The following RBFOX3 variants were observed in gnomAD, a reference collection of about 807,000 sequenced individuals.
The protein encoded by RBFOX3 is RNA binding protein fox-1 homolog 3.
RBFOX3 carries 17 observed loss-of-function variants against 48.7 expected under a neutral mutation model. The observed-to-expected ratio is 0.35, with a 90% CI of 0.24 to 0.52. The LOEUF is 0.52. RBFOX3 is among the 20% of genes least tolerant of loss of function. The probability of loss-of-function intolerance (pLI) is 0.94; values close to 1 mark genes in which losing one functional copy is unlikely to be tolerated. For synonymous variants in RBFOX3, 212 were observed against 209.5 expected, an observed-to-expected ratio of 1.01 and a Z score of -0.10; for missense variants, 382 against 497.5, an observed-to-expected ratio of 0.77 and a Z score of 2.21.
At chr17:79,514,546 G>A (rs1450995969) in intron 1 of RBFOX3, among the ~76,000 whole-genome samples, 2 of 152,204 alleles carry the variant, frequency 1.3e-5, no homozygotes, top group Admixed American at 6.5e-5. Context: ...CCTGGATCTC[G>A]GCAACCACAC....
chr17:79,513,289 T>C (rs1314262512), intron 1 of RBFOX3, among the ~76,000 whole-genome samples: 1 of 147,246 alleles, frequency 6.8e-6, no homozygotes, highest in East Asian at 2.1e-4. Flanking sequence ...ATGTCACCAT[T>C]GGGCACGGTC....
chr17:79,331,769 T>C (rs1297217565), intron 2 of RBFOX3, among the ~76,000 whole-genome samples: 1 of 152,176 alleles, frequency 6.6e-6, no homozygotes. Flanking sequence ...ATCTTCCCAC[T>C]GGAAGTGAGG....
At chr17:79,422,869 A>G (rs1363450375) in intron 2 of RBFOX3, among the ~76,000 whole-genome samples, 1 of 152,162 alleles carries the variant, frequency 6.6e-6, no homozygotes, top group Non-Finnish European at 1.5e-5. Flanking sequence ...ATGCCCTTAC[A>G]GGAAGAGACA....
At chr17:79,280,414 G>A (rs919158768) in intron 3 of RBFOX3, among the ~76,000 whole-genome samples, 1 of 152,166 alleles carries the variant, frequency 6.6e-6, no homozygotes, top group Non-Finnish European at 1.5e-5. Flanking sequence ...AGAGGGTCTG[G>A]GCACAGGACA....
chr17:79,600,044 A>T (rs1360252999), intron 1 of RBFOX3: 1 of 152,232 alleles, frequency 6.6e-6, no homozygotes, highest in Non-Finnish European at 1.5e-5. Context: ...TAACACACAG[A>T]ACAAATGAAG....
intron 1 of RBFOX3, among the ~76,000 whole-genome samples, chr17:79,548,214 G>A (rs1010244860): frequency 2.0e-5 from 3 of 152,132 alleles, no homozygotes; most frequent in East Asian, 1.9e-4. Flanking sequence ...CTCCTGCTCC[G>A]CTCCCGGAGT....
In RBFOX3 at chr17:79,134,152, G is replaced by A. The variant is rs1225013393; in HGVS notation, c.-33-18404C>T. On this transcript the variant is annotated intron_variant, in intron 4 of 14. Coordinates refer to ENST00000693108, the MANE Select transcript of RBFOX3 (RefSeq NM_001350451.2). ...TGGGACGTTCCCCTGTCCCTCCCACGGTGCCCTGGGGCTTCCAGCAGCCAC... is the reference window on the plus strand; with the variant it reads ...TGGGACGTTCCCCTGTCCCTCCCACAGTGCCCTGGGGCTTCCAGCAGCCAC... Among the ~76,000 whole-genome samples, 7 of 152,202 alleles carry A rather than the reference G, an allele frequency of 4.6e-5. No homozygotes were observed. The South Asian group carries it at 6.2e-4, about 13-fold the overall frequency.
rs190741182 is a variant in RBFOX3 at position 79,214,046 on chromosome 17, G to A, written c.-34+21720C>T. 6.6e-6 allele frequency among the ~76,000 whole-genome samples: 1 copy of A among 152,288 alleles called. No homozygotes were observed. The highest frequency in any genetic ancestry group is 1.9e-4 in the East Asian group (1 of 5,172). ...GGTGCCAGCGGATGTTGGGAGGCCC[G>A]GTGAACTACAGCCAACCCTCGCATG... On this transcript the variant is annotated intron_variant, in intron 4 of 14. Transcript: ENST00000693108. This position sits in a 1 kb window ranked among gnomAD's most constrained non-coding sequence, Gnocchi z 4.7.
In RBFOX3 at chr17:79,399,392, C is replaced by T. The variant is rs1405245891; in HGVS notation, c.-175+83062G>A. Reference sequence around the variant, plus strand: ...CAGTTTTGCTTCCGTGCACGGCTCGCGCTTCTGATTAGAGTGACAGCATTG... The same window carrying T: ...CAGTTTTGCTTCCGTGCACGGCTCGTGCTTCTGATTAGAGTGACAGCATTG... On this transcript the variant is annotated intron_variant, in intron 2 of 14. Transcript: ENST00000693108. 5.9e-5 allele frequency among the ~76,000 whole-genome samples: 9 copies of T among 152,160 alleles called. 1 individual carries two copies. The highest frequency in any genetic ancestry group is 2.6e-4 in the Admixed American group (4 of 15,280).
intron 2 of RBFOX3, among the ~76,000 whole-genome samples, chr17:79,340,721 T>C (rs905355173): frequency 2.7e-5 from 4 of 149,512 alleles, no homozygotes; most frequent in East Asian, 2.0e-4. Flanking sequence ...ATCCGATGAA[T>C]GAAAAAAAAA....
intron 2 of RBFOX3, among the ~76,000 whole-genome samples, chr17:79,433,292 G>A (rs2068803222): frequency 6.6e-6 from 1 of 152,184 alleles, no homozygotes; most frequent in African/African-American, 2.4e-5. Context: ...CCCTACTCTA[G>A]CTACCCAGGT....
rs542648246 is a variant in RBFOX3 at position 79,158,179 on chromosome 17, G to A, written c.-33-42431C>T. Among the ~76,000 whole-genome samples the A allele has an allele frequency of 2.1e-4, 32 of 152,324 alleles. No homozygotes were observed. The South Asian group carries it at 2.5e-3, about 12-fold the overall frequency. ...GGCAACGACAGCCATCCACAGCCAAGGAAGAGAGGCCTCCAACAGAACCAA... is the reference window on the plus strand; with the variant it reads ...GGCAACGACAGCCATCCACAGCCAAAGAAGAGAGGCCTCCAACAGAACCAA... On this transcript the variant is annotated intron_variant, in intron 4 of 14. Coordinates refer to ENST00000693108, the MANE Select transcript of RBFOX3 (RefSeq NM_001350451.2).
chr17:79,406,483 A>G (rs573451301), intron 2 of RBFOX3, among the ~76,000 whole-genome samples: 66 of 152,302 alleles, frequency 4.3e-4, no homozygotes, highest in African/African-American at 1.4e-3. Flanking sequence ...GGCGAGGATG[A>G]GGCCTCTCCA....
At position 79,561,427 on chromosome 17, in the gene RBFOX3, G is replaced by A. The variant is rs999933559; in HGVS notation, c.-320+49399C>T. Among the ~76,000 whole-genome samples, 37 of 152,224 alleles carry A rather than the reference G, an allele frequency of 2.4e-4. No homozygotes were observed. The South Asian group carries it at 4.4e-3, about 18-fold the overall frequency. ...CCAGTCACCCCCAAGGATTAAGGGT[G>A]AGCAGAGACCACCACTGCAGATTCA... On this transcript the variant is annotated intron_variant, in intron 1 of 14. Coordinates refer to ENST00000693108, the MANE Select transcript of RBFOX3 (RefSeq NM_001350451.2).
chr17:79,645,531 T>A, the RBFOX3 span, among the ~76,000 whole-genome samples: 1 of 152,144 alleles, frequency 6.6e-6, no homozygotes, highest in Non-Finnish European at 1.5e-5. Flanking sequence ...TAAGACCTCA[T>A]ACCTTCCAGC....
the RBFOX3 span, among the ~76,000 whole-genome samples, chr17:79,649,503 C>A: frequency 6.6e-6 from 1 of 152,162 alleles, no homozygotes; most frequent in Non-Finnish European, 1.5e-5. Context: ...GTCAGGAGTT[C>A]AAGACCAGCC....
chr17:79,153,041 T>A (rs997545769), intron 4 of RBFOX3, among the ~76,000 whole-genome samples: 5 of 152,172 alleles, frequency 3.3e-5, no homozygotes, highest in Admixed American at 2.0e-4. Flanking sequence ...GGGCAGGACA[T>A]CTGCCCGCTG....
At chr17:79,335,682 G>T (rs1337581722) in intron 2 of RBFOX3, among the ~76,000 whole-genome samples, 2 of 152,136 alleles carry the variant, frequency 1.3e-5, no homozygotes, top group African/African-American at 4.8e-5. Context: ...CTACAACCAC[G>T]CTGGGTCTGG....
rs763172148 is a variant in RBFOX3, at chr17:79,479,978, C to T, written c.-175+2476G>A. 3.3e-5 allele frequency among the ~76,000 whole-genome samples: 5 copies of T among 152,168 alleles called. No individual in the cohort carries two copies. Among genetic ancestry groups the T allele is most frequent in the Non-Finnish European group, 7.3e-5 (5 of 68,040 alleles). ...CTGCACTGAGGCCAGCCCCAAACCT[C>T]GTGCCCTATACTCATTTTCTCAGAC... On this transcript the variant is annotated intron_variant, in intron 2 of 14. Coordinates refer to ENST00000693108, the MANE Select transcript of RBFOX3 (RefSeq NM_001350451.2). The surrounding 1 kb of genome is among the most constrained non-coding windows in gnomAD (Gnocchi z 5.1).
Sources: gnomAD v4.1 joint callset for allele counts (sites outside exome capture counted in the v4.1 genomes callset) on GRCh38, gnomAD v4.1.1 for gene constraint, Gnocchi (gnomAD v3.1) non-coding constraint, MANE v1.5 for transcripts, NCBI Gene and HGNC (gene_info 2026-07-23, HGNC 2026-07-21) for gene names.